The following PPP4R4 variants were observed in gnomAD, a reference collection of about 807,000 sequenced individuals.
PPP4R4 encodes the protein serine/threonine-protein phosphatase 4 regulatory subunit 4.
Under a neutral mutation model 121.8 loss-of-function variants are expected in PPP4R4, and 70 were observed. The ratio of observed to expected loss-of-function variants is 0.57; its 90% CI spans 0.47 to 0.70. The LOEUF is 0.70. PPP4R4 is among the 30% of genes least tolerant of loss of function. The probability of loss-of-function intolerance (pLI) is 0.00; values close to 1 mark genes in which losing one functional copy is unlikely to be tolerated. For missense variants in PPP4R4, 875 were observed against 1,033.6 expected, an observed-to-expected ratio of 0.85 and a Z score of 2.10; for synonymous variants, 348 against 355.7, an observed-to-expected ratio of 0.98 and a Z score of 0.24.
At chr14:94,221,403 T>G (rs1891381322) in intron 3 of PPP4R4, among the ~76,000 whole-genome samples, 1 of 152,052 alleles carries the variant, frequency 6.6e-6, no homozygotes, top group Non-Finnish European at 1.5e-5. Context: ...ATTAAGTGAA[T>G]GAAAAGACAA....
chr14:94,241,648 T>C (rs1325871288), intron 9 of PPP4R4, 140 bp from the exon 10 acceptor site: 1 of 637,074 alleles, frequency 1.6e-6, no homozygotes, highest in African/African-American at 1.9e-5. Context: ...ACTCTTTTCA[T>C]GTTCCTTTTA....
chr14:94,197,828 G>A (rs1478859778), intron 2 of PPP4R4, among the ~76,000 whole-genome samples: 2 of 151,818 alleles, frequency 1.3e-5, no homozygotes, highest in African/African-American at 4.8e-5. Context: ...TATTTTTTTT[G>A]TATGGCTTCT....
At chr14:94,200,415 A>G (rs550254141) in intron 2 of PPP4R4, among the ~76,000 whole-genome samples, 150 of 152,248 alleles carry the variant, frequency 9.9e-4, no homozygotes, top group African/African-American at 3.2e-3. Flanking sequence ...GTTGGTACCA[A>G]TTCTTCTTTG....
chr14:94,266,968 T>C lies in PPP4R4; in HGVS notation c.2388T>C (p.Ser796=), dbSNP rs372585712. ...GNLEKCASKS[S]TTGYTTSVSG... ...TCATGTTGTTTTCTAGTAAAAGTTC[T>C]ACAACAGGATATACAACTTCTGTCT... is the stretch of plus-strand genomic sequence containing the variant. The change falls in exon 23 of 25, where the codon TCT becomes TCC. Residue 796 remains serine (S), a synonymous_variant. Transcript: ENST00000304338. The C allele has an allele frequency of 2.8e-5, 45 of 1,581,636 alleles. No homozygotes were observed. Among genetic ancestry groups the C allele is most frequent in the African/African-American group, 2.7e-4 (20 of 73,982 alleles).
intron 2 of PPP4R4, among the ~76,000 whole-genome samples, chr14:94,204,521 C>T (rs1022082581): frequency 2.4e-4 from 37 of 152,068 alleles, no homozygotes; most frequent in African/African-American, 8.9e-4. Context: ...GGACACAATT[C>T]CTCCTACTTC....
intron 15 of PPP4R4, 41 bp downstream of exon 15, chr14:94,250,318 A>G (rs1399362078): frequency 7.2e-7 from 1 of 1,382,420 alleles, no homozygotes; most frequent in Admixed American, 1.7e-5. Context: ...AGGAAAGTAA[A>G]CAAACTAGTT....
At position 94,245,669 on chromosome 14, in the gene PPP4R4, A is replaced by C; in HGVS notation, c.1427A>C (p.Lys476Thr). ...GGAGAAAGCAGTGTTCAAGAAAATA[A>C]GGTAAACTTCATCTTTCAGAAACAT... ...TGGESSVQEN[K>T]LSSLPDLIPA... is the part of the protein sequence containing the mutation. Residue 476 changes from lysine to threonine, a missense_variant and splice_region_variant, in exon 13 of 25, where the codon AAG becomes ACG. By Grantham distance (78) the Lys-to-Thr change is moderately conservative. Coordinates refer to ENST00000304338, the MANE Select transcript of PPP4R4 (RefSeq NM_058237.2). 1 of 1,575,906 alleles carries C rather than the reference A, an allele frequency of 6.3e-7. No homozygotes were observed. The highest frequency in any genetic ancestry group is 2.2e-5 in the East Asian group (1 of 44,492).
rs1891955933 is a variant in PPP4R4 at position 94,230,491 on chromosome 14, A to G, written c.295-96A>G. 1.4e-5 allele frequency: 16 copies of G among 1,147,896 alleles called. No homozygotes were observed. The South Asian group carries it at 2.2e-4, about 16-fold the overall frequency. The allele number at this position is 1,147,896 out of a possible 1,614,324, so 71.1% of individuals were successfully genotyped here. A position where few individuals can be genotyped will look rare whatever the true frequency, so the allele number is the denominator to read the frequency against. On this transcript the variant is annotated intron_variant, in intron 3 of 24. Coordinates refer to ENST00000304338, the MANE Select transcript of PPP4R4 (RefSeq NM_058237.2). ...AAGGTCATATGTCTTAATTTTGTGG[A>G]ATATGACTATTTAGTTTCTACAACC...
At chr14:94,217,615 TAA>T (rs552422220) in intron 3 of PPP4R4, among the ~76,000 whole-genome samples, 1 of 151,428 alleles carries the variant, frequency 6.6e-6, no homozygotes, top group East Asian at 1.9e-4. Flanking sequence ...ATTTATATGG[TAA>T]AAAAAAATCC....
chr14:94,196,618 A>T (rs951448573), intron 2 of PPP4R4, among the ~76,000 whole-genome samples: 1 of 151,866 alleles, frequency 6.6e-6, no homozygotes, highest in African/African-American at 2.4e-5. Flanking sequence ...CTGGCCTCAA[A>T]TCTTTTTTAT....
chr14:94,265,031 T>G, intron 20 of PPP4R4, 84 bp downstream of exon 20: 1 of 1,163,404 alleles, frequency 8.6e-7, no homozygotes, highest in Non-Finnish European at 1.2e-6. Context: ...GCTGAATTTT[T>G]TATTTGATAT....
intron 2 of PPP4R4, among the ~76,000 whole-genome samples, chr14:94,205,648 T>A (rs1273586165): frequency 6.6e-6 from 1 of 151,808 alleles, no homozygotes; most frequent in Non-Finnish European, 1.5e-5. Flanking sequence ...CATTTCCCTC[T>A]TTGAATATGT....
chr14:94,186,188 A>T (rs1205336717), intron 2 of PPP4R4, among the ~76,000 whole-genome samples: 2 of 152,198 alleles, frequency 1.3e-5, no homozygotes, highest in Non-Finnish European at 2.9e-5. Context: ...TGACATATGT[A>T]TACACGATTC....
intron 2 of PPP4R4, among the ~76,000 whole-genome samples, chr14:94,193,347 G>C (rs1349387116): frequency 6.6e-6 from 1 of 152,004 alleles, no homozygotes; most frequent in African/African-American, 2.4e-5. Flanking sequence ...TTTTGGAGTA[G>C]TACAGGCTGC....
intron 3 of PPP4R4, among the ~76,000 whole-genome samples, chr14:94,226,292 G>A (rs1891694006): frequency 1.3e-5 from 2 of 152,006 alleles, no homozygotes; most frequent in South Asian, 4.1e-4. Context: ...TTTCCTTTAT[G>A]GAAAGAGTTC....
Position 94,265,415 on chromosome 14 carries a change from T to A in PPP4R4, c.2226T>A (p.Ser742Arg). The A allele has an allele frequency of 6.2e-7, 1 of 1,613,158 alleles. No homozygotes were observed. Among genetic ancestry groups the A allele is most frequent in the Middle Eastern group, 1.6e-4 (1 of 6,062 alleles). The change falls in exon 21 of 25, where the codon AGT becomes AGA. Residue 742 changes from serine to arginine, a missense_variant. Ser to Arg is a moderately radical substitution (Grantham distance 110). Coordinates refer to ENST00000304338, the MANE Select transcript of PPP4R4 (RefSeq NM_058237.2). ...GAGACACTAAGACACCAACGCAAAG[T>A]CTGCCCAAGAACATCCCCATTTCTG... ...KRRDTKTPTQ[S>R]LPKNIPISVP...
At chr14:94,183,003 T>C (rs1319980123) in intron 2 of PPP4R4, among the ~76,000 whole-genome samples, 2 of 152,208 alleles carry the variant, frequency 1.3e-5, no homozygotes, top group African/African-American at 4.8e-5. Flanking sequence ...TTTAGATGTT[T>C]CGTTTCTCTG....
chr14:94,251,619 T>G (rs1893182489), intron 15 of PPP4R4, 130 bp from the exon 16 acceptor site: 1 of 643,608 alleles, frequency 1.6e-6, no homozygotes, highest in Non-Finnish European at 2.5e-6. Flanking sequence ...ATTTTTCCTC[T>G]TATGTCTTGT....
At chr14:94,223,981 C>T (rs913559944) in intron 3 of PPP4R4, among the ~76,000 whole-genome samples, 9 of 152,060 alleles carry the variant, frequency 5.9e-5, no homozygotes, top group African/African-American at 1.9e-4. Flanking sequence ...TTGCCAAAAC[C>T]CTTGTGATAT....
Sources: allele counts gnomAD v4.1 joint callset (sites outside exome capture counted in the v4.1 genomes callset), GRCh38; gene constraint gnomAD v4.1.1; transcripts MANE v1.5; gene names NCBI Gene and HGNC (gene_info 2026-07-23, HGNC 2026-07-21).